IGF1: variants seen among roughly 807,000 people sequenced by gnomAD.
IGF1 encodes the protein insulin like growth factor 1.
IGF1 carries 4 observed loss-of-function variants against 13.8 expected under a neutral mutation model. That is an observed-to-expected ratio of 0.29 (90% CI 0.14 to 0.66). IGF1 has a LOEUF of 0.66. IGF1 is among the 30% of genes least tolerant of loss of function. The pLI is 0.78. For synonymous variants in IGF1, 76 were observed against 72.6 expected (o/e 1.05, Z -0.23); for missense variants, 124 against 188.5 (o/e 0.66, Z 2.00).
At chr12:102,481,347 CTGTGTGTGTGTGTGTGTGTGTGTGTGTG>C (rs3033407), upstream of IGF1, among the ~76,000 whole-genome samples, 1 of 140,282 alleles carries the variant, frequency 7.1e-6, no homozygotes, top group Non-Finnish European at 1.6e-5. Flanking sequence ...TAACTCAAAC[CTGTGTGTGTGTGTGTGTGTGTGTGTGTG>C]TGTGTGTGTG....
At chr12:102,453,588 A>G (rs891027974) in intron 2 of IGF1, among the ~76,000 whole-genome samples, 7 of 152,228 alleles carry the variant, frequency 4.6e-5, no homozygotes, top group African/African-American at 1.4e-4. Flanking sequence ...GTACAAAAAA[A>G]GAGAGGCCTC....
chr12:102,423,259 GAAAAAAAAAAA>G (rs138450873), intron 2 of IGF1: 2 of 43,122 alleles, frequency 4.6e-5, no homozygotes, highest in Non-Finnish European at 7.6e-5. Flanking sequence ...TCGATGCTAC[GAAAAAAAAAAA>G]AAAAAAAAAA....
At position 102,441,915 on chromosome 12, in the gene IGF1, C is replaced by CTTCTTCTTCTTCTTCTT. The variant is rs1555244052; in HGVS notation, c.221-22226_221-22225insAAGAAGAAGAAGAAGAA. On this transcript the variant is annotated intron_variant, in intron 2 of 3. Transcript: ENST00000337514. Reference sequence around the variant, plus strand: ...GTCATTCTATTACACTGCTTCTTCTCCTTCTTCTTCTTCTTCTTCTTCTTC... The same window carrying CTTCTTCTTCTTCTTCTT: ...GTCATTCTATTACACTGCTTCTTCTCTTCTTCTTCTTCTTCTTCTTCTTCTTCTTCTTCTTCTTCTTC... 3.1e-3 allele frequency among the ~76,000 whole-genome samples: 378 copies of CTTCTTCTTCTTCTTCTT among 122,126 alleles called. 13 individuals carry two copies. The highest frequency in any genetic ancestry group is 0.011 in the East Asian group (44 of 3,964). The allele number at this position is 122,126 out of a possible 152,430, so 80.1% of individuals were successfully genotyped here. A position where few individuals can be genotyped will look rare whatever the true frequency, so the allele number is the denominator to read the frequency against.
At chr12:102,474,629 T>C (rs879790528) in intron 2 of IGF1, among the ~76,000 whole-genome samples, 1 of 152,198 alleles carries the variant, frequency 6.6e-6, no homozygotes, top group Admixed American at 6.5e-5. Flanking sequence ...CAAAGCATAG[T>C]GGGTAACTGA....
chr12:102,435,960 G>A (rs1877190368), intron 2 of IGF1, among the ~76,000 whole-genome samples: 1 of 152,140 alleles, frequency 6.6e-6, no homozygotes, highest in African/African-American at 2.4e-5. Context: ...TATAATATAC[G>A]ATCACGTCCT....
At chr12:102,440,692 C>G (rs1399526529) in intron 2 of IGF1, among the ~76,000 whole-genome samples, 2 of 152,140 alleles carry the variant, frequency 1.3e-5, no homozygotes, top group Non-Finnish European at 2.9e-5. Flanking sequence ...GAAATTCTAA[C>G]AGTAGAATTT....
intron 3 of IGF1, among the ~76,000 whole-genome samples, chr12:102,414,762 C>T (rs142536223): frequency 6.6e-6 from 1 of 152,176 alleles, no homozygotes; most frequent in Non-Finnish European, 1.5e-5. Flanking sequence ...GCTTATAACT[C>T]TTGTTCATGC....
rs5742641 is a variant in IGF1, at chr12:102,454,079, C to CA, written c.220+21563dup. ...CACTGCTCTGCACTAGCCTAACACC[C>CA]AAACAACTGGCTGGATGTCTCATGC... On this transcript the variant is annotated intron_variant, in intron 2 of 3. Transcript: ENST00000337514. 8.4e-3 allele frequency among the ~76,000 whole-genome samples: 1,285 copies of CA among 152,312 alleles called. 22 individuals carry two copies. Among genetic ancestry groups the CA allele is most frequent in the African/African-American group, 0.029 (1,218 of 41,556 alleles).
At chr12:102,446,106 C>T (rs1010205799) in intron 2 of IGF1, among the ~76,000 whole-genome samples, 3 of 152,168 alleles carry the variant, frequency 2.0e-5, no homozygotes, top group African/African-American at 7.2e-5. Flanking sequence ...TTTTGATGTG[C>T]TGCTGGATTC....
upstream of IGF1, among the ~76,000 whole-genome samples, chr12:102,481,551 G>T (rs902874051): frequency 6.6e-6 from 1 of 152,162 alleles, no homozygotes; most frequent in Non-Finnish European, 1.5e-5. Context: ...CAGCTGTTTT[G>T]CTATTTATAA....
chr12:102,448,333 C>T (rs868153819), intron 2 of IGF1, among the ~76,000 whole-genome samples: 2 of 149,794 alleles, frequency 1.3e-5, no homozygotes, highest in South Asian at 2.1e-4. Flanking sequence ...ATGTGGCACA[C>T]ATACACCATG....
At chr12:102,474,680 T>G (rs187042441) in intron 2 of IGF1, among the ~76,000 whole-genome samples, 27 of 152,332 alleles carry the variant, frequency 1.8e-4, no homozygotes, top group Non-Finnish European at 3.7e-4. Flanking sequence ...CCTTTAAGAA[T>G]GACTCATGCT....
intron 2 of IGF1, among the ~76,000 whole-genome samples, chr12:102,446,822 C>T (rs920709725): frequency 3.3e-5 from 5 of 152,078 alleles, no homozygotes; most frequent in South Asian, 4.1e-4. Context: ...GTTCAGGTGT[C>T]GATTTTAGAT....
At chr12:102,446,623 T>C (rs1471649093) in intron 2 of IGF1, among the ~76,000 whole-genome samples, 3 of 152,176 alleles carry the variant, frequency 2.0e-5, no homozygotes, top group Non-Finnish European at 4.4e-5. Context: ...TTTTCTTCTT[T>C]ATTAGTCTTG....
At chr12:102,417,607 C>T (rs549477244) in intron 3 of IGF1, 88 of 1,243,958 alleles carry the variant, frequency 7.1e-5, no homozygotes, top group African/African-American at 4.0e-4. Context: ...TCTTTCTTTG[C>T]GCTTTCTAGG....
intron 3 of IGF1, among the ~76,000 whole-genome samples, chr12:102,416,641 A>G (rs977263839): frequency 1.3e-5 from 2 of 152,162 alleles, no homozygotes; most frequent in Non-Finnish European, 2.9e-5. Flanking sequence ...CTAACATAGT[A>G]TGTTCCTGGG....
intron 3 of IGF1, chr12:102,417,675 T>A: frequency 6.9e-7 from 1 of 1,453,056 alleles, no homozygotes; most frequent in Non-Finnish European, 9.0e-7. Context: ...CTCTAAAAGG[T>A]TACTTCTATT....
intron 2 of IGF1, among the ~76,000 whole-genome samples, chr12:102,445,039 G>A (rs1291889113): frequency 1.8e-4 from 28 of 152,066 alleles, no homozygotes; most frequent in Admixed American, 1.7e-3. Flanking sequence ...CAAAGTTCAG[G>A]TGGTTGTAGA....
At chr12:102,402,617 C>A in intron 3 of IGF1, 51 bp from the exon 4 acceptor site, 1 of 778,976 alleles carries the variant, frequency 1.3e-6, no homozygotes, top group Non-Finnish European at 2.4e-6. Context: ...TTTTATGTAT[C>A]CATCTATTTC....
Sources: allele counts gnomAD v4.1 joint callset (sites outside exome capture counted in the v4.1 genomes callset), GRCh38; gene constraint gnomAD v4.1.1; transcripts MANE v1.5; gene names NCBI Gene and HGNC (gene_info 2026-07-23, HGNC 2026-07-21).